ADAMTS18: variants seen among roughly 807,000 people sequenced by gnomAD.
ADAMTS18 encodes the protein ADAM metallopeptidase with thrombospondin type 1 motif 18, also known as A disintegrin and metalloproteinase with thrombospondin motifs 18.
In ADAMTS18, 157 loss-of-function variants were observed where a neutral mutation model predicts 165.9. That is an observed-to-expected ratio of 0.95 (90% CI 0.83 to 1.08). The LOEUF is 1.08. ADAMTS18 is among the 50% of genes least tolerant of loss of function. The pLI, the probability that ADAMTS18 is intolerant of heterozygous loss-of-function variation, is 0.00. For synonymous variants in ADAMTS18, 782 were observed against 578.2 expected, an observed-to-expected ratio of 1.35 and a Z score of -5.06; for missense variants, 2,040 against 1,534.0, an observed-to-expected ratio of 1.33 and a Z score of -5.51.
intron 16 of ADAMTS18, among the ~76,000 whole-genome samples, chr16:77,313,796 A>C (rs1375930928): frequency 1.3e-5 from 2 of 152,142 alleles, no homozygotes; most frequent in Admixed American, 6.5e-5. Flanking sequence ...TGCTCTCTAA[A>C]ACTGATACCT....
Position 77,419,931 on chromosome 16 carries a change from G to A in ADAMTS18, c.495+11364C>T, listed in dbSNP as rs367740138. 2.0e-5 allele frequency among the ~76,000 whole-genome samples: 3 copies of A among 147,348 alleles called. No homozygotes were observed. The East Asian group carries it at 5.9e-4, about 29-fold the overall frequency. On this transcript the variant is annotated intron_variant, in intron 3 of 22. Coordinates refer to ENST00000282849, the MANE Select transcript of ADAMTS18 (RefSeq NM_199355.4). ...GGAGAATTGCTTGAACCCAGGAGGCGGAGGTTGCAGTAAACCGCATCACGC... is the reference window on the plus strand; with the variant it reads ...GGAGAATTGCTTGAACCCAGGAGGCAGAGGTTGCAGTAAACCGCATCACGC...
chr16:77,385,417 C>A (rs939227052), intron 3 of ADAMTS18, among the ~76,000 whole-genome samples: 9 of 152,188 alleles, frequency 5.9e-5, no homozygotes, highest in African/African-American at 2.2e-4. Flanking sequence ...GCTGGTGCTG[C>A]ATAAATAGCA....
chr16:77,307,356 TATC>T, intron 16 of ADAMTS18, among the ~76,000 whole-genome samples: 1 of 152,296 alleles, frequency 6.6e-6, no homozygotes, highest in South Asian at 2.1e-4. Context: ...CATGACCAGG[TATC>T]ATCATTGCTA....
At chr16:77,337,173 A>G (rs2056323209) in intron 11 of ADAMTS18, among the ~76,000 whole-genome samples, 1 of 152,114 alleles carries the variant, frequency 6.6e-6, no homozygotes, top group South Asian at 2.1e-4. Context: ...TTTGCATGAA[A>G]CCATATAACA....
At chr16:77,354,129 C>T (rs2056595336) in intron 9 of ADAMTS18, among the ~76,000 whole-genome samples, 1 of 152,092 alleles carries the variant, frequency 6.6e-6, no homozygotes. Context: ...AGTGATTTGG[C>T]TTGGGATTTG....
intron 10 of ADAMTS18, among the ~76,000 whole-genome samples, chr16:77,347,255 G>C (rs749414409): frequency 2.2e-4 from 33 of 152,166 alleles, no homozygotes; most frequent in Non-Finnish European, 2.6e-4. Flanking sequence ...TAGTAGCTGA[G>C]AATGTTCTTG....
chr16:77,322,445 T>C lies in ADAMTS18; in HGVS notation c.2054A>G (p.Tyr685Cys), dbSNP rs1183173915. The change falls in exon 14 of 23, where the codon TAC becomes TGC. Residue 685 changes from tyrosine (Y) to cysteine (C), a missense_variant. Transcript: ENST00000282849. ...AAATTCAAAGTTCTCAGCCTTGCAG[T>C]ACAGTTTGCATCGATCTTCCTCTAG... ...KVEEEDRCKL[Y>C]CKAENFEFFF... The C allele has an allele frequency of 6.2e-7, 1 of 1,614,074 alleles. No homozygotes were observed. The highest frequency in any genetic ancestry group is 8.5e-7 in the Non-Finnish European group (1 of 1,179,976).
At chr16:77,372,190 T>C (rs7184274) in intron 3 of ADAMTS18, among the ~76,000 whole-genome samples, 9,161 of 152,196 alleles carry the variant, frequency 0.06, 631 homozygotes, top group African/African-American at 0.17. Context: ...AGTATAGCCA[T>C]TATGGAAAAT....
At position 77,362,237 on chromosome 16, in the gene ADAMTS18, C is replaced by T. The variant is rs2056726450; in HGVS notation, c.1084G>A (p.Asp362Asn). Residue 362 changes from aspartate to asparagine, a missense_variant, in exon 7 of 23, where the codon GAC becomes AAC. Asp to Asn is a conservative substitution (Grantham distance 23). Transcript: ENST00000282849. ...PGGLLINHHA[D>N]QSLNSFCQWQ... ...TGACAAAAACTATTCAGAGACTGGT[C>T]TGCATGATGGTTGATCAATAATCCT... 6.2e-7 allele frequency: 1 copy of T among 1,614,148 alleles called. No individual in the cohort carries two copies.
At chr16:77,296,615 C>G (rs980522126) in intron 18 of ADAMTS18, among the ~76,000 whole-genome samples, 1 of 152,150 alleles carries the variant, frequency 6.6e-6, no homozygotes, top group Non-Finnish European at 1.5e-5. Flanking sequence ...AGGCAGATCA[C>G]TTGAGGCCAG....
At chr16:77,398,404 T>C (rs887996911) in intron 3 of ADAMTS18, among the ~76,000 whole-genome samples, 2 of 149,714 alleles carry the variant, frequency 1.3e-5, no homozygotes, top group Non-Finnish European at 3.0e-5. Flanking sequence ...CCCCAGGGAG[T>C]GGTATAACAA....
intron 9 of ADAMTS18, among the ~76,000 whole-genome samples, chr16:77,355,142 A>G (rs2056609349): frequency 6.6e-6 from 1 of 151,986 alleles, no homozygotes; most frequent in Admixed American, 6.6e-5. Flanking sequence ...ATCTGTTCAA[A>G]GAGATATGGG....
rs142716278 is a variant in ADAMTS18 at position 77,393,698 on chromosome 16, G to A, written c.496-25975C>T. ...CCATGCTAGCATCCTGCCCTCAGAC[G>A]TCCAGTTTCCAGAACTGTGAGAAAT... On this transcript the variant is annotated intron_variant, in intron 3 of 22. Transcript: ENST00000282849. Among the ~76,000 whole-genome samples the A allele has an allele frequency of 2.2e-4, 34 of 152,288 alleles. 1 individual carries two copies. In the East Asian group the frequency reaches 5.8e-3, roughly 26 times the overall value.
intron 16 of ADAMTS18, among the ~76,000 whole-genome samples, chr16:77,304,766 A>T (rs950155719): frequency 2.6e-5 from 4 of 152,250 alleles, no homozygotes; most frequent in Non-Finnish European, 4.4e-5. Context: ...TGCAGCTTTA[A>T]ATTAACTCAT....
At chr16:77,344,075 C>A (rs1302280635) in intron 10 of ADAMTS18, among the ~76,000 whole-genome samples, 1 of 149,138 alleles carries the variant, frequency 6.7e-6, no homozygotes, top group East Asian at 2.0e-4. Context: ...AAAAGCTTTC[C>A]ATGGGACTGA....
At chr16:77,284,564 TGGTAGGGGGGTGA>T (rs1430938254) in intron 22 of ADAMTS18, among the ~76,000 whole-genome samples, 2 of 151,722 alleles carry the variant, frequency 1.3e-5, no homozygotes, top group African/African-American at 4.9e-5. Flanking sequence ...ATTGGGACTT[TGGTAGGGGGGTGA>T]GGTAGGGGCA....
chr16:77,429,953 T>C (rs2057718436), intron 3 of ADAMTS18, among the ~76,000 whole-genome samples: 1 of 152,182 alleles, frequency 6.6e-6, no homozygotes, highest in African/African-American at 2.4e-5. Context: ...AAACAATTTG[T>C]CTAAGGTCCT....
chr16:77,418,690 T>C (rs2057561615), intron 3 of ADAMTS18, among the ~76,000 whole-genome samples: 1 of 152,206 alleles, frequency 6.6e-6, no homozygotes, highest in Non-Finnish European at 1.5e-5. Context: ...TTCTTCTCTT[T>C]GGGCTTACTG....
intron 12 of ADAMTS18, among the ~76,000 whole-genome samples, chr16:77,332,374 G>C (rs1017974962): frequency 6.6e-6 from 1 of 152,078 alleles, no homozygotes; most frequent in Non-Finnish European, 1.5e-5. Flanking sequence ...CGTCCTCCTG[G>C]TGAGCTTGGG....
Sources: gnomAD v4.1 joint callset for allele counts (sites outside exome capture counted in the v4.1 genomes callset) on GRCh38, gnomAD v4.1.1 for gene constraint, MANE v1.5 for transcripts, NCBI Gene and HGNC (gene_info 2026-07-23, HGNC 2026-07-21) for gene names.